The following RMST variants were observed in gnomAD, a reference collection of about 807,000 sequenced individuals.
The protein encoded by RMST is long intergenic non-protein coding RNA 54.
intron 10 of RMST, among the ~76,000 whole-genome samples, chr12:97,520,114 G>C (rs1880360169): frequency 6.6e-6 from 1 of 152,216 alleles, no homozygotes; most frequent in Non-Finnish European, 1.5e-5. Flanking sequence ...TGTCTGGACT[G>C]ACAGTGTCTT....
chr12:97,560,027 G>A (rs574361021), intron 11 of RMST, among the ~76,000 whole-genome samples: 4 of 152,012 alleles, frequency 2.6e-5, no homozygotes, highest in Non-Finnish European at 4.4e-5. Context: ...GAGCCACTTC[G>A]TTGTCTTTAT....
intron 11 of RMST, among the ~76,000 whole-genome samples, chr12:97,539,982 A>C (rs773634546): frequency 2.0e-5 from 3 of 151,716 alleles, no homozygotes; most frequent in Non-Finnish European, 4.4e-5. Context: ...ACTGAGTTAA[A>C]GGCTGAAGGA....
At chr12:97,523,997 C>A (rs1432899887) in intron 10 of RMST, among the ~76,000 whole-genome samples, 23 of 139,846 alleles carry the variant, frequency 1.6e-4, no homozygotes, top group Admixed American at 1.0e-3. Flanking sequence ...AATGGCGTGA[C>A]CCCGGGAGGC....
chr12:97,504,157 A>G (rs1417060738), intron 10 of RMST, among the ~76,000 whole-genome samples: 1 of 152,026 alleles, frequency 6.6e-6, no homozygotes, highest in Non-Finnish European at 1.5e-5. Flanking sequence ...TAACCCCGGC[A>G]CTCTGGGAGG....
intron 5 of RMST, among the ~76,000 whole-genome samples, chr12:97,477,192 A>C (rs142871551): frequency 6.6e-6 from 1 of 152,220 alleles, no homozygotes; most frequent in African/African-American, 2.4e-5. Context: ...AGGTGCCCAC[A>C]TGCGCTTTGA....
chr12:97,546,936 C>T (rs1346282149), intron 11 of RMST, among the ~76,000 whole-genome samples: 1 of 151,868 alleles, frequency 6.6e-6, no homozygotes, highest in African/African-American at 2.4e-5. Context: ...ATCCTTTGCC[C>T]AACATCTCTC....
chr12:97,562,462 G>T (rs1474575071), intron 13 of RMST, among the ~76,000 whole-genome samples: 1 of 152,056 alleles, frequency 6.6e-6, no homozygotes, highest in Non-Finnish European at 1.5e-5. Context: ...AGCGGTGGGG[G>T]TTGGGAGGGT....
intron 5 of RMST, among the ~76,000 whole-genome samples, chr12:97,470,272 C>G (rs775109870): frequency 5.3e-5 from 8 of 151,956 alleles, no homozygotes; most frequent in Non-Finnish European, 1.0e-4. Context: ...GTAGGTGTGC[C>G]CAACTGACAT....
chr12:97,494,356 T>G (rs1026142639), intron 8 of RMST, among the ~76,000 whole-genome samples: 5 of 152,188 alleles, frequency 3.3e-5, no homozygotes, highest in Non-Finnish European at 2.9e-5. Flanking sequence ...AGATATAATT[T>G]GAGTTTTAGT....
At chr12:97,500,138 T>C (rs1877927243) in intron 10 of RMST, among the ~76,000 whole-genome samples, 1 of 152,176 alleles carries the variant, frequency 6.6e-6, no homozygotes, top group Admixed American at 6.5e-5. Context: ...TGGCTGTCAA[T>C]TGCCTTCTCC....
intron 11 of RMST, among the ~76,000 whole-genome samples, chr12:97,553,411 T>C (rs77617235): frequency 0.016 from 2,446 of 152,272 alleles, 57 homozygotes; most frequent in African/African-American, 0.056. Flanking sequence ...AGAATTTGTG[T>C]GGTGCTGTTG....
intron 10 of RMST, among the ~76,000 whole-genome samples, chr12:97,513,035 C>T (rs956077985): frequency 6.6e-6 from 1 of 152,222 alleles, no homozygotes; most frequent in Non-Finnish European, 1.5e-5. Flanking sequence ...GCTCCAACTG[C>T]GGGGTCCGCC....
At chr12:97,476,879 A>T (rs1874613144) in intron 5 of RMST, among the ~76,000 whole-genome samples, 1 of 152,156 alleles carries the variant, frequency 6.6e-6, no homozygotes, top group African/African-American at 2.4e-5. Context: ...ATCATAGGGT[A>T]ATTTGGGATA....
At chr12:97,468,339 CTT>C (rs1255609504) in intron 5 of RMST, among the ~76,000 whole-genome samples, 3 of 151,964 alleles carry the variant, frequency 2.0e-5, no homozygotes, top group Admixed American at 6.6e-5. Context: ...TTTATAATCT[CTT>C]TTTCAAGAGA....
intron 3 of RMST, chr12:97,463,137 C>T (rs1371045328): frequency 3.9e-5 from 6 of 152,370 alleles, no homozygotes; most frequent in Non-Finnish European, 8.8e-5. Flanking sequence ...CTCTTTCTCT[C>T]ATTTCCCGTC....
chr12:97,494,274 G>C (rs577213439), intron 8 of RMST, among the ~76,000 whole-genome samples: 44 of 152,310 alleles, frequency 2.9e-4, no homozygotes, highest in African/African-American at 1.0e-3. Flanking sequence ...GAGCAGAGTA[G>C]AGGATTAAGG....
At chr12:97,497,070 A>T (rs931855518) in intron 10 of RMST, among the ~76,000 whole-genome samples, 1 of 152,188 alleles carries the variant, frequency 6.6e-6, no homozygotes, top group Non-Finnish European at 1.5e-5. Flanking sequence ...GAGTCTGCAC[A>T]TATCCCATCT....
At chr12:97,545,407 T>C (rs2136634193) in intron 11 of RMST, among the ~76,000 whole-genome samples, 1 of 152,240 alleles carries the variant, frequency 6.6e-6, no homozygotes, top group East Asian at 1.9e-4. Context: ...TTAGATGTCC[T>C]TCACAATGAT....
chr12:97,542,248 C>T (rs1349311255), intron 11 of RMST, among the ~76,000 whole-genome samples: 1 of 151,790 alleles, frequency 6.6e-6, no homozygotes, highest in Non-Finnish European at 1.5e-5. Context: ...TTGCAAGGTA[C>T]TGCCCCTTGT....
Sources: gnomAD v4.1 joint callset for allele counts (sites outside exome capture counted in the v4.1 genomes callset) on GRCh38, gnomAD v4.1.1 for gene constraint, MANE v1.5 for transcripts, NCBI Gene and HGNC (gene_info 2026-07-23, HGNC 2026-07-21) for gene names.